Variants in VIRMA observed in about 807,000 individuals in gnomAD.
VIRMA encodes the protein protein virilizer homolog.
A neutral mutation model predicts 182.4 loss-of-function variants in VIRMA; 65 were observed. The observed-to-expected ratio is 0.36, with a 90% CI of 0.29 to 0.44. The LOEUF is 0.44. Among genes scored for constraint, VIRMA ranks in the 20% least tolerant of loss-of-function variants. The pLI, the probability that VIRMA is intolerant of heterozygous loss-of-function variation, is 1.00. For missense variants in VIRMA, 1,752 were observed against 2,158.1 expected (o/e 0.81, Z 3.73); for synonymous variants, 709 against 743.1 (o/e 0.95, Z 0.75).
At chr8:94,531,413 TG>T (rs1365581874) in intron 5 of VIRMA, among the ~76,000 whole-genome samples, 1 of 152,210 alleles carries the variant, frequency 6.6e-6, no homozygotes. Flanking sequence ...TTTTCATCAC[TG>T]GGGAGATTTT....
rs1340721380 is a variant in VIRMA at position 94,488,225 on chromosome 8, A to T, written c.*481T>A. 1.3e-5 allele frequency: 2 copies of T among 152,756 alleles called. No homozygotes were observed. Among genetic ancestry groups the T allele is most frequent in the Non-Finnish European group, 2.9e-5 (2 of 68,408 alleles). The allele number at this position is 152,756 out of a possible 1,614,324, so 9.5% of individuals were successfully genotyped here. On this transcript the variant is annotated 3_prime_UTR_variant, in exon 24 of 24. Coordinates refer to ENST00000297591, the MANE Select transcript of VIRMA (RefSeq NM_015496.5). ...TGTGCAAGAAGCAGAGAGGAAAAGA[A>T]AATGATACTGATTCCAAGGTTTGAG...
chr8:94,501,949 G>C (rs910706587), intron 16 of VIRMA, among the ~76,000 whole-genome samples: 1 of 152,168 alleles, frequency 6.6e-6, no homozygotes, highest in African/African-American at 2.4e-5. Context: ...AAGTCCGTTT[G>C]TTCCAAGGTA....
chr8:94,489,979 G>C lies in VIRMA; in HGVS notation c.5244C>G (p.Asn1748Lys). 6.2e-7 allele frequency: 1 copy of C among 1,614,174 alleles called. No homozygotes were observed. The highest frequency in any genetic ancestry group is 8.5e-7 in the Non-Finnish European group (1 of 1,180,036). The change falls in exon 23 of 24, where the codon AAC (asparagine) becomes AAG (lysine). Residue 1748 changes from asparagine to lysine, a missense_variant. Physicochemically the swap from Asn to Lys is moderately conservative, Grantham distance 94. This residue lies in a region of VIRMA where 132 missense variants were observed against 173.8 expected (regional missense o/e 0.76). Coordinates refer to ENST00000297591, the MANE Select transcript of VIRMA (RefSeq NM_015496.5). ...NESRGGQSNFNRGPLPPLRPL... is the reference protein window; with the variant it reads ...NESRGGQSNFKRGPLPPLRPL... Reference sequence around the variant, plus strand: ...GTCGTAATGGTGGAAGAGGGCCTCTGTTAAAATTGCTCTGGCCTCCACGAC... The same window carrying C: ...GTCGTAATGGTGGAAGAGGGCCTCTCTTAAAATTGCTCTGGCCTCCACGAC...
chr8:94,508,496 G>T (rs902188844), intron 15 of VIRMA, among the ~76,000 whole-genome samples: 3 of 152,028 alleles, frequency 2.0e-5, no homozygotes, highest in African/African-American at 7.2e-5. Context: ...AACAAGGCTC[G>T]AATCAGAAGG....
At chr8:94,495,177 AT>A (rs948656038) in intron 19 of VIRMA, among the ~76,000 whole-genome samples, 1 of 151,860 alleles carries the variant, frequency 6.6e-6, no homozygotes, top group Non-Finnish European at 1.5e-5. Flanking sequence ...ATTAAAAAAA[AT>A]TTTTTTGTAG....
intron 1 of VIRMA, among the ~76,000 whole-genome samples, chr8:94,548,679 A>C (rs1815865463): frequency 6.6e-6 from 1 of 151,978 alleles, no homozygotes; most frequent in Non-Finnish European, 1.5e-5. Context: ...ATTTTGAGAC[A>C]GAGTCTCGCT....
chr8:94,533,082 C>CATATG (rs1283804911), intron 5 of VIRMA, among the ~76,000 whole-genome samples: 1 of 151,552 alleles, frequency 6.6e-6, no homozygotes, highest in Non-Finnish European at 1.5e-5. Flanking sequence ...AGAGTAACCA[C>CATATG]TACATATGTC....
At chr8:94,553,342 C>A in intron 1 of VIRMA, 43 bp downstream of exon 1, 1 of 1,594,316 alleles carries the variant, frequency 6.3e-7, no homozygotes, top group East Asian at 2.2e-5. Flanking sequence ...TGTAAAGATC[C>A]CAAGTCAAGA....
intron 16 of VIRMA, among the ~76,000 whole-genome samples, chr8:94,502,559 C>T (rs928002548): frequency 6.6e-6 from 1 of 151,892 alleles, no homozygotes; most frequent in South Asian, 2.1e-4. Flanking sequence ...AGGACACATA[C>T]GTATATTTCC....
chr8:94,522,487 C>T (rs1352289203), intron 8 of VIRMA, among the ~76,000 whole-genome samples: 1 of 152,156 alleles, frequency 6.6e-6, no homozygotes, highest in Admixed American at 6.5e-5. Context: ...CTTGCCACCA[C>T]TTCAAAAACA....
chr8:94,515,661 C>T (rs886339747), intron 10 of VIRMA, among the ~76,000 whole-genome samples: 2 of 151,904 alleles, frequency 1.3e-5, no homozygotes, highest in Non-Finnish European at 2.9e-5. Context: ...TGTGAGCCAC[C>T]GCGCCCAGCT....
chr8:94,530,717 G>T (rs1054018518), intron 6 of VIRMA, among the ~76,000 whole-genome samples: 11 of 152,080 alleles, frequency 7.2e-5, no homozygotes, highest in African/African-American at 2.2e-4. Flanking sequence ...AGGAGTTCCA[G>T]CCTGGGCAAA....
chr8:94,531,096 ATGGG>A lies in VIRMA; in HGVS notation c.485-15_485-12del. The A allele has an allele frequency of 6.6e-7, 1 of 1,520,916 alleles. No individual in the cohort carries two copies. Among genetic ancestry groups the A allele is most frequent in the Admixed American group, 2.3e-5 (1 of 43,972 alleles). 94.2% of individuals were successfully genotyped at this position (1,520,916 alleles called of 1,614,324 possible). On this transcript the variant is annotated splice_polypyrimidine_tract_variant and intron_variant, in intron 5 of 23. Coordinates refer to ENST00000297591, the MANE Select transcript of VIRMA (RefSeq NM_015496.5). ...CTTTCTCCCCATCAGCTAGTGTTTT[ATGGG>A]AGACAGAAAAAGAACTTTCAAATTA...
Position 94,519,329 on chromosome 8 carries a change from C to T in VIRMA, c.2169G>A (p.Ser723=), listed in dbSNP as rs376309196. 3.9e-5 allele frequency: 63 copies of T among 1,605,066 alleles called. No individual in the cohort carries two copies. Among genetic ancestry groups the T allele is most frequent in the East Asian group, 8.9e-5 (4 of 44,830 alleles). Residue 723 remains serine (S), a synonymous_variant, in exon 9 of 24, where the codon TCG becomes TCA. Transcript: ENST00000297591. ...TCAATAAATTTGTTGCTTCATATTC[C>T]GACATAAAAAAAAGAAGACCCTTCT... ...QSQKGLLFFM[S]EYEATNLLIR...
intron 15 of VIRMA, among the ~76,000 whole-genome samples, chr8:94,507,140 T>C (rs1297163555): frequency 2.7e-5 from 4 of 148,542 alleles, no homozygotes; most frequent in Admixed American, 2.0e-4. Context: ...AGTTTTTCTT[T>C]TTTTTTTTTT....
Position 94,490,194 on chromosome 8 carries a change from G to C in VIRMA, c.5141-112C>G, listed in dbSNP as rs1813564456. On this transcript the variant is annotated intron_variant, in intron 22 of 23. Coordinates refer to ENST00000297591, the MANE Select transcript of VIRMA (RefSeq NM_015496.5). ...AGAATGGAAAAGAAACTGAAATTCT[G>C]CAAACTGACTGTACTATATAGTGGC... The C allele has an allele frequency of 3.3e-6, 4 of 1,212,358 alleles. No homozygotes were observed. In the East Asian group the frequency reaches 9.8e-5, roughly 30 times the overall value. The allele number at this position is 1,212,358 out of a possible 1,614,324, so 75.1% of individuals were successfully genotyped here.
At position 94,534,779 on chromosome 8, in the gene VIRMA, T is replaced by TA. The variant is rs576259142; in HGVS notation, c.484+59_484+60insT. On this transcript the variant is annotated intron_variant, in intron 5 of 23. Transcript: ENST00000297591. ...GGTAAAAGAGTGCTCTTCGAATTAT[T>TA]TTTTTTTTTTAAACCACGGATATAA... 2.9e-4 allele frequency: 399 copies of TA among 1,380,532 alleles called. 3 individuals carry two copies. In the South Asian group the frequency reaches 4.3e-3, roughly 15 times the overall value. 85.5% of individuals were successfully genotyped at this position (1,380,532 alleles called of 1,614,324 possible). A position where few individuals can be genotyped will look rare whatever the true frequency, so the allele number is the denominator to read the frequency against.
intron 8 of VIRMA, among the ~76,000 whole-genome samples, chr8:94,523,366 A>C (rs1228780261): frequency 6.6e-6 from 1 of 152,096 alleles, no homozygotes. Flanking sequence ...TTTTGACTCC[A>C]ACATCTCCTT....
In VIRMA at chr8:94,526,565, T is replaced by C. The variant is rs571574560; in HGVS notation, c.1679A>G (p.Tyr560Cys). The stretch of plus-strand genomic sequence containing the variant: ...TCTTTTAATCTCTGACAAGACTTCA[T>C]AGAAATGGCATTTTTGGAGAATAGC... Reference protein sequence around the residue: ...GSAILQKCHFYEVLSEIKRLG... With the variant: ...GSAILQKCHFCEVLSEIKRLG... Residue 560 changes from tyrosine to cysteine, a missense_variant, in exon 8 of 24, where the codon TAT becomes TGT. Tyr to Cys is a radical substitution (Grantham distance 194). Around this residue, in one of 11 missense-constraint regions of VIRMA, gnomAD observed 401 missense variants for 455.1 expected, o/e 0.88. Transcript: ENST00000297591. The C allele has an allele frequency of 5.4e-5, 87 of 1,613,654 alleles. No individual in the cohort carries two copies. The highest frequency in any genetic ancestry group is 2.5e-4 in the Admixed American group (15 of 59,908).
Sources: gnomAD v4.1 joint callset for allele counts (sites outside exome capture counted in the v4.1 genomes callset) on GRCh38, gnomAD v4.1.1 for gene constraint, gnomAD v4.1.1 regional missense constraint, MANE v1.5 for transcripts, NCBI Gene and HGNC (gene_info 2026-07-23, HGNC 2026-07-21) for gene names.